Variants in FUT8 observed in about 807,000 individuals in gnomAD.
FUT8 encodes the protein fucosyltransferase 8, also known as alpha-(1,6)-fucosyltransferase.
In FUT8, 29 loss-of-function variants were observed where a neutral mutation model predicts 71.3. The observed-to-expected ratio is 0.41, with a 90% confidence interval of 0.30 to 0.55. The LOEUF is 0.55. Among genes scored for constraint, FUT8 ranks in the 20% least tolerant of loss-of-function variants. The pLI, the probability that FUT8 is intolerant of heterozygous loss-of-function variation, is 0.34. For synonymous variants in FUT8, 254 were observed against 239.3 expected, an observed-to-expected ratio of 1.06 and a Z score of -0.57; for missense variants, 544 against 702.1, an observed-to-expected ratio of 0.77 and a Z score of 2.55.
chr14:65,599,647 T>G (rs1231553534), intron 3 of FUT8, among the ~76,000 whole-genome samples: 1 of 152,154 alleles, frequency 6.6e-6, no homozygotes, highest in Non-Finnish European at 1.5e-5. Flanking sequence ...GTATGCAAGG[T>G]TTACAAGTCC....
At position 65,669,361 on chromosome 14, in the gene FUT8, G is replaced by A. The variant is rs1892368025; in HGVS notation, c.716G>A (p.Arg239Gln). The change falls in exon 7 of 11, where the codon CGA (arginine) becomes CAA (glutamine). Residue 239 changes from arginine (R) to glutamine (Q), a missense_variant. Transcript: ENST00000673929. This position sits in a 1 kb window ranked among gnomAD's most constrained non-coding sequence, Gnocchi z 4.5. Reference protein sequence around the residue: ...YCFMIAYGTQRTLILESQNWR... With the variant: ...YCFMIAYGTQQTLILESQNWR... ...TTCATGATTGCATATGGCACCCAGC[G>A]AACACTCATCTTGGAATCTCAGAAT... The A allele has an allele frequency of 1.9e-6, 3 of 1,613,808 alleles. No homozygotes were observed. Among genetic ancestry groups the A allele is most frequent in the Non-Finnish European group, 2.5e-6 (3 of 1,179,850 alleles).
At chr14:65,378,837 G>GTTTTT in the FUT8 span, among the ~76,000 whole-genome samples, 4,053 of 66,854 alleles carry the variant, frequency 0.061, 1,030 homozygotes, top group East Asian at 0.15. Flanking sequence ...TCACAAGAAG[G>GTTTTT]TTTTTTTTTT....
At chr14:65,690,726 C>CT (rs1010902970) in intron 7 of FUT8, among the ~76,000 whole-genome samples, 20,187 of 141,578 alleles carry the variant, frequency 0.14, 1,730 homozygotes, top group Middle Eastern at 0.21. Context: ...AAACATTTGA[C>CT]TTTTTTTTTT....
chr14:65,463,634 G>T (rs2065999446), intron 2 of FUT8, among the ~76,000 whole-genome samples: 2 of 152,128 alleles, frequency 1.3e-5, no homozygotes, highest in Admixed American at 1.3e-4. Flanking sequence ...TGAACTTTTG[G>T]TGTGGGCTGT....
At chr14:65,389,080 T>C in the FUT8 span, among the ~76,000 whole-genome samples, 5 of 151,288 alleles carry the variant, frequency 3.3e-5, no homozygotes, top group East Asian at 7.8e-4. Flanking sequence ...TAGCTCACTG[T>C]AGCCTTGGAC....
intron 2 of FUT8, among the ~76,000 whole-genome samples, chr14:65,469,843 G>A (rs1308738479): frequency 1.3e-5 from 2 of 152,196 alleles, no homozygotes; most frequent in African/African-American, 2.4e-5. Flanking sequence ...GGACCTCAGT[G>A]GGGAGGAAGT....
At chr14:65,725,226 T>C (rs1246293772) in intron 9 of FUT8, among the ~76,000 whole-genome samples, 1 of 152,200 alleles carries the variant, frequency 6.6e-6, no homozygotes, top group Non-Finnish European at 1.5e-5. Context: ...GTAACAATTA[T>C]TTTTTGAGCT....
intron 3 of FUT8, among the ~76,000 whole-genome samples, chr14:65,580,428 A>G (rs1248271074): frequency 2.0e-5 from 3 of 151,788 alleles, no homozygotes; most frequent in Non-Finnish European, 4.4e-5. Context: ...ATATATATAT[A>G]TGTGTATATA....
At chr14:65,487,468 C>T (rs1438997681) in intron 2 of FUT8, among the ~76,000 whole-genome samples, 1 of 147,516 alleles carries the variant, frequency 6.8e-6, no homozygotes, top group African/African-American at 2.5e-5. Context: ...GAGGCTGAGG[C>T]AGGAGAATCA....
chr14:65,527,963 G>A (rs1286767178), intron 2 of FUT8, among the ~76,000 whole-genome samples: 1 of 152,194 alleles, frequency 6.6e-6, no homozygotes, highest in East Asian at 1.9e-4. Context: ...GCCCCTACTG[G>A]GGGGTGCCTC....
intron 3 of FUT8, among the ~76,000 whole-genome samples, chr14:65,614,080 C>T (rs1330758826): frequency 6.7e-6 from 1 of 150,214 alleles, no homozygotes; most frequent in Admixed American, 6.6e-5. Flanking sequence ...CATCACTGTA[C>T]TCCAGCCTGG....
rs192546781 is a variant in FUT8, at chr14:65,669,919, G to C, written c.835+439G>C. Among the ~76,000 whole-genome samples the C allele has an allele frequency of 1.3e-5, 2 of 152,246 alleles. No individual in the cohort carries two copies. The highest frequency in any genetic ancestry group is 1.3e-4 in the Admixed American group (2 of 15,288). On this transcript the variant is annotated intron_variant, in intron 7 of 10. Coordinates refer to ENST00000673929, the MANE Select transcript of FUT8 (RefSeq NM_001371533.1). This position sits in a 1 kb window ranked among gnomAD's most constrained non-coding sequence, Gnocchi z 4.5. ...TAAAACTCCATTTTCTGTTAAGGAA[G>C]GTCTAGGCTGCAGCCTGAGAGTTTT...
intron 2 of FUT8, among the ~76,000 whole-genome samples, chr14:65,534,196 C>T (rs1211222705): frequency 6.6e-6 from 1 of 152,086 alleles, no homozygotes; most frequent in Non-Finnish European, 1.5e-5. Context: ...AAACATGACT[C>T]ACTGCAGCCT....
chr14:65,531,178 T>C (rs1190800035), intron 2 of FUT8, among the ~76,000 whole-genome samples: 1 of 151,834 alleles, frequency 6.6e-6, no homozygotes, highest in Non-Finnish European at 1.5e-5. Context: ...AAAGGACGTT[T>C]AAAAATTTTT....
chr14:65,514,805 A>G (rs1396525181), intron 2 of FUT8, among the ~76,000 whole-genome samples: 1 of 152,122 alleles, frequency 6.6e-6, no homozygotes, highest in African/African-American at 2.4e-5. Flanking sequence ...CGCTGCACCC[A>G]CTAACTGGTC....
At chr14:65,565,651 C>T (rs1211306694) in intron 3 of FUT8, among the ~76,000 whole-genome samples, 3 of 151,934 alleles carry the variant, frequency 2.0e-5, no homozygotes, top group Non-Finnish European at 4.4e-5. Flanking sequence ...GTTCTACTTG[C>T]TCTCCTCCTA....
rs117705981 is a variant in FUT8 at position 65,451,789 on chromosome 14, G to A, written c.-325-3832G>A. ...TTCTTCTCTGTAGTAATGCCATCAA[G>A]CTGTCCTTCTGAAGTCAAGCCACCT... On this transcript the variant is annotated intron_variant, in intron 1 of 10. Transcript: ENST00000673929. 6.0e-3 allele frequency among the ~76,000 whole-genome samples: 912 copies of A among 152,300 alleles called. 10 individuals carry two copies. Among genetic ancestry groups the A allele is most frequent in the East Asian group, 0.035 (179 of 5,186 alleles).
intron 6 of FUT8, among the ~76,000 whole-genome samples, chr14:65,664,669 A>AAAAT (rs1892123246): frequency 6.6e-6 from 1 of 152,238 alleles, no homozygotes; most frequent in East Asian, 1.9e-4. Flanking sequence ...ATCATTTTAT[A>AAAAT]GACTGCAGCT....
the FUT8 span, among the ~76,000 whole-genome samples, chr14:65,383,045 T>C: frequency 6.6e-6 from 1 of 152,142 alleles, no homozygotes; most frequent in Admixed American, 6.6e-5. Flanking sequence ...CCATATCCTA[T>C]AGATTTTACT....
Sources: allele counts gnomAD v4.1 joint callset (sites outside exome capture counted in the v4.1 genomes callset), GRCh38; gene constraint gnomAD v4.1.1; non-coding constraint Gnocchi (gnomAD v3.1); transcripts MANE v1.5; gene names NCBI Gene and HGNC (gene_info 2026-07-23, HGNC 2026-07-21).